The following ABAT variants were observed in gnomAD, a reference collection of about 807,000 sequenced individuals.
ABAT encodes the protein 4-aminobutyrate aminotransferase, mitochondrial.
ABAT carries 45 observed loss-of-function variants against 64.6 expected under a neutral mutation model. That is an observed-to-expected ratio of 0.70 (90% CI 0.55 to 0.89). The LOEUF (loss-of-function observed/expected upper bound fraction) is 0.89. Ranked by LOEUF, ABAT falls within the 40% of genes least tolerant of loss-of-function variation. The pLI is 0.00. For synonymous variants in ABAT, 297 were observed against 250.5 expected (o/e 1.19, Z -1.75); for missense variants, 633 against 658.4 (o/e 0.96, Z 0.42).
At chr16:8,761,709 A>G (rs2059802752) in intron 6 of ABAT, among the ~76,000 whole-genome samples, 1 of 152,186 alleles carries the variant, frequency 6.6e-6, no homozygotes, top group Admixed American at 6.5e-5. Context: ...CCGGGGCACC[A>G]CTGGCTGACA....
intron 6 of ABAT, among the ~76,000 whole-genome samples, chr16:8,762,307 A>G (rs533641705): frequency 4.4e-4 from 67 of 152,336 alleles, no homozygotes; most frequent in African/African-American, 1.5e-3. Context: ...GACACCTGCC[A>G]TCCTATGACC....
rs2059220935 is a variant in ABAT, at chr16:8,743,331, TG to T, written c.71-2669del. 2.5e-4 allele frequency among the ~76,000 whole-genome samples: 37 copies of T among 147,120 alleles called. No individual in the cohort carries two copies. The Admixed American group carries it at 2.5e-3, about 10-fold the overall frequency. ...GCATGTGTGTCTCTGTGTGTGTGTGTGTGTGTGTGTGTGTGTGTGTGTCACG... is the reference window on the plus strand; with the variant it reads ...GCATGTGTGTCTCTGTGTGTGTGTGTTGTGTGTGTGTGTGTGTGTGTCACG... On this transcript the variant is annotated intron_variant, in intron 2 of 15. Coordinates refer to ENST00000268251, the MANE Select transcript of ABAT (RefSeq NM_020686.6).
At chr16:8,779,239 GGTT>G (rs1400040406) in intron 14 of ABAT, among the ~76,000 whole-genome samples, 2 of 152,170 alleles carry the variant, frequency 1.3e-5, no homozygotes, top group East Asian at 3.8e-4. Context: ...AGCTGGGCTT[GGTT>G]GTTGTTGCTG....
intron 1 of ABAT, among the ~76,000 whole-genome samples, chr16:8,686,386 C>T (rs2057456778): frequency 6.6e-6 from 1 of 152,192 alleles, no homozygotes; most frequent in Non-Finnish European, 1.5e-5. Context: ...GACCTGGGGA[C>T]AGGTTCCAGG....
chr16:8,757,967 T>C (rs1236834244), intron 6 of ABAT, among the ~76,000 whole-genome samples, 161 bp downstream of exon 6: 1 of 152,184 alleles, frequency 6.6e-6, no homozygotes, highest in African/African-American at 2.4e-5. Flanking sequence ...CCTTGATGAA[T>C]GAAAACGCAG....
rs2060438884 is a variant in ABAT at position 8,781,489 on chromosome 16, G to A, written c.*59G>A. 1 of 1,576,556 alleles carries A rather than the reference G, an allele frequency of 6.3e-7. No homozygotes were observed. The highest frequency in any genetic ancestry group is 1.1e-5 in the South Asian group (1 of 90,594). ...ATCCCAACAGTTGTCAAATTGATTA[G>A]TTTGCCTAATTCATGTTTTCACTTA... On this transcript the variant is annotated 3_prime_UTR_variant, in exon 16 of 16. Transcript: ENST00000268251. The surrounding 1 kb of genome is among the most constrained non-coding windows in gnomAD (Gnocchi z 4.5).
chr16:8,757,456 C>T (rs1218503916), intron 5 of ABAT: 4 of 398,866 alleles, frequency 1.0e-5, no homozygotes, highest in Admixed American at 3.6e-5. Flanking sequence ...GTGTGAGCCA[C>T]CACACGTGGC....
intron 5 of ABAT, among the ~76,000 whole-genome samples, chr16:8,755,325 CTG>C (rs2059619307): frequency 6.6e-6 from 1 of 152,110 alleles, no homozygotes; most frequent in Non-Finnish European, 1.5e-5. Context: ...ACAGGGGACT[CTG>C]TGTAGGAGGC....
intron 1 of ABAT, among the ~76,000 whole-genome samples, chr16:8,721,517 TAGAA>T (rs1451919557): frequency 6.6e-6 from 1 of 152,190 alleles, no homozygotes; most frequent in Non-Finnish European, 1.5e-5. Context: ...CAGCCAACGC[TAGAA>T]ATTTCTGGCT....
chr16:8,679,473 C>G (rs1397187798), intron 1 of ABAT, among the ~76,000 whole-genome samples: 2 of 150,236 alleles, frequency 1.3e-5, no homozygotes, highest in African/African-American at 4.9e-5. Context: ...CTCTCAGTGC[C>G]TCATTTCTCT....
chr16:8,735,351 A>G (rs758616676), intron 1 of ABAT, among the ~76,000 whole-genome samples: 2 of 151,964 alleles, frequency 1.3e-5, no homozygotes, highest in Non-Finnish European at 2.9e-5. Flanking sequence ...TCCTGGGCTC[A>G]AGCGATCCTA....
rs749726120 is a variant in ABAT, at chr16:8,766,191, C to G, written c.541-17C>G. ...CCCAGAGCATCTCTGAGATTTTGTT[C>G]TGTTCTATTGTTTCAGAGCAAGGAA... On this transcript the variant is annotated splice_polypyrimidine_tract_variant and intron_variant, in intron 8 of 15. Transcript: ENST00000268251. 1 of 1,613,442 alleles carries G rather than the reference C, an allele frequency of 6.2e-7. No homozygotes were observed. The highest frequency in any genetic ancestry group is 8.5e-7 in the Non-Finnish European group (1 of 1,179,484).
In ABAT at chr16:8,769,557, CAAAAAAAA is replaced by C. The variant is rs35002036; in HGVS notation, c.816+599_816+606del. On this transcript the variant is annotated intron_variant, in intron 11 of 15. Transcript: ENST00000268251. ...CTGGGTAACGGAGTGAGACTCTGTC[CAAAAAAAA>C]AAAAAAAAAAAAAAGAGAGAGAGAG... 4.7e-3 allele frequency among the ~76,000 whole-genome samples: 404 copies of C among 86,774 alleles called. 2 individuals carry two copies. Among genetic ancestry groups the C allele is most frequent in the African/African-American group, 0.017 (380 of 22,144 alleles). 56.9% of individuals were successfully genotyped at this position (86,774 alleles called of 152,430 possible).
chr16:8,735,749 A>G lies in ABAT; in HGVS notation c.10A>G (p.Met4Val). Residue 4 changes from methionine (M) to valine (V), a missense_variant, in exon 2 of 16, where the codon ATG (methionine) becomes GTG (valine). Transcript: ENST00000268251. MAS[M>V]LLAQRLACSF... Reference sequence around the variant, plus strand: ...TGTCCCTCAAGGGGTCATGGCCTCCATGTTGCTCGCCCAGCGCCTGGCCTG... The same window carrying G: ...TGTCCCTCAAGGGGTCATGGCCTCCGTGTTGCTCGCCCAGCGCCTGGCCTG... 6.2e-7 allele frequency: 1 copy of G among 1,605,360 alleles called. No individual in the cohort carries two copies. Among genetic ancestry groups the G allele is most frequent in the African/African-American group, 1.3e-5 (1 of 74,978 alleles).
At position 8,776,205 on chromosome 16, in the gene ABAT, T is replaced by G. The variant is rs2060259032; in HGVS notation, c.1123-139T>G. 2 of 1,176,186 alleles carry G rather than the reference T, an allele frequency of 1.7e-6. No homozygotes were observed. The highest frequency in any genetic ancestry group is 2.5e-6 in the Non-Finnish European group (2 of 807,258). The allele number at this position is 1,176,186 out of a possible 1,614,324, so 72.9% of individuals were successfully genotyped here. A position where few individuals can be genotyped will look rare whatever the true frequency, so the allele number is the denominator to read the frequency against. ...GAAGAATTCAGCGAGATTGGGTGTGTTCCCCTGCCAGCCTCTGGTAGATGC... is the reference window on the plus strand; with the variant it reads ...GAAGAATTCAGCGAGATTGGGTGTGGTCCCCTGCCAGCCTCTGGTAGATGC... On this transcript the variant is annotated intron_variant, in intron 13 of 15. Transcript: ENST00000268251. The surrounding 1 kb of genome is among the most constrained non-coding windows in gnomAD (Gnocchi z 4.4).
At chr16:8,765,956 C>T in intron 8 of ABAT, 1 of 442,866 alleles carries the variant, frequency 2.3e-6, no homozygotes, top group African/African-American at 2.0e-5. Context: ...GCAACGCTCT[C>T]AGCAGATCTT....
chr16:8,723,984 G>T (rs2058460651), intron 1 of ABAT, among the ~76,000 whole-genome samples: 1 of 151,226 alleles, frequency 6.6e-6, no homozygotes, highest in Admixed American at 6.6e-5. Context: ...GGGATTACAG[G>T]TGCACGCCAC....
chr16:8,713,746 C>T (rs1490689300), intron 1 of ABAT: 2 of 399,248 alleles, frequency 5.0e-6, no homozygotes, highest in Non-Finnish European at 1.0e-5. Flanking sequence ...AGCTGGTGCC[C>T]AACGGCACCT....
chr16:8,781,412 C>G lies in ABAT; in HGVS notation c.1485C>G (p.Ile495Met), dbSNP rs1464280601. The change falls in exon 16 of 16, where the codon ATC (isoleucine) becomes ATG (methionine). Residue 495 changes from isoleucine (I) to methionine (M), a missense_variant. Physicochemically the swap from Ile to Met is conservative, Grantham distance 10. Transcript: ENST00000268251. The surrounding 1 kb of genome is among the most constrained non-coding windows in gnomAD (Gnocchi z 4.5). ...TGTTCCTCAATATTTTCAGTGACAT[C>G]TTAGCAGACTTCAAGTAAAGAAGCC... ...AHLFLNIFSD[I>M]LADFK 3 of 1,614,198 alleles carry G rather than the reference C, an allele frequency of 1.9e-6. No individual in the cohort carries two copies. Among genetic ancestry groups the G allele is most frequent in the Non-Finnish European group, 8.5e-7 (1 of 1,180,042 alleles).
Sources: allele counts gnomAD v4.1 joint callset (sites outside exome capture counted in the v4.1 genomes callset), GRCh38; gene constraint gnomAD v4.1.1; non-coding constraint Gnocchi (gnomAD v3.1); transcripts MANE v1.5; gene names NCBI Gene and HGNC (gene_info 2026-07-23, HGNC 2026-07-21).